The following DACH2 variants were observed in gnomAD, a reference collection of about 807,000 sequenced individuals.
The protein encoded by DACH2 is dachshund family transcription factor 2.
Under a neutral mutation model 35.8 loss-of-function variants are expected in DACH2, and 17 were observed. The ratio of observed to expected loss-of-function variants is 0.48; its 90% CI spans 0.33 to 0.71. The LOEUF (loss-of-function observed/expected upper bound fraction) is 0.71. Ranked by LOEUF, DACH2 falls within the 30% of genes least tolerant of loss-of-function variation. The probability of loss-of-function intolerance (pLI) is 0.02; values close to 1 mark genes in which losing one functional copy is unlikely to be tolerated. For synonymous variants in DACH2, 195 were observed against 177.3 expected (o/e 1.10, Z -0.79); for missense variants, 469 against 472.7 (o/e 0.99, Z 0.07).
At chrX:86,529,971 A>ACGCACG (rs1293835132) in intron 3 of DACH2, among the ~76,000 whole-genome samples, 15 of 45,134 alleles carry the variant, frequency 3.3e-4, no homozygotes, top group African/African-American at 9.8e-4. Flanking sequence ...ACACACACAC[A>ACGCACG]CACACGCACA....
chrX:86,370,015 A>C, intron 1 of DACH2, among the ~76,000 whole-genome samples: 1 of 111,818 alleles, frequency 8.9e-6, no homozygotes, highest in East Asian at 2.8e-4. Flanking sequence ...GTCAAAATTC[A>C]TCTCAGTTGA....
intron 1 of DACH2, among the ~76,000 whole-genome samples, chrX:86,151,133 A>G (rs2030349036): frequency 1.8e-5 from 2 of 111,099 alleles, no homozygotes; most frequent in Non-Finnish European, 3.8e-5. Context: ...TATTAGAGCT[A>G]CTTACTAAAA....
intron 1 of DACH2, chrX:86,160,475 C>T (rs1194060188): frequency 1.1e-5 from 6 of 533,702 alleles, no homozygotes; most frequent in South Asian, 4.8e-5. Flanking sequence ...CTTACCAGAA[C>T]GGTGATCAAT....
intron 3 of DACH2, among the ~76,000 whole-genome samples, chrX:86,632,143 C>A (rs985349282): frequency 4.5e-5 from 5 of 110,979 alleles, no homozygotes; most frequent in African/African-American, 1.6e-4. Flanking sequence ...CTCTGCGAAT[C>A]CATTTTAGAG....
chrX:86,553,632 A>G (rs1391729409), intron 3 of DACH2, among the ~76,000 whole-genome samples: 1 of 112,148 alleles, frequency 8.9e-6, no homozygotes, highest in Non-Finnish European at 1.9e-5. Context: ...TTCATAGTTA[A>G]TGGTAAGTAG....
At chrX:86,478,909 A>G (rs2037891980) in intron 2 of DACH2, among the ~76,000 whole-genome samples, 1 of 111,295 alleles carries the variant, frequency 9.0e-6, no homozygotes, top group African/African-American at 3.3e-5. Flanking sequence ...TATTGCAAGG[A>G]CAGAGGGCTT....
chrX:86,679,597 T>TCC (rs2040856227), intron 4 of DACH2, among the ~76,000 whole-genome samples: 1 of 96,756 alleles, frequency 1.0e-5, no homozygotes, highest in African/African-American at 3.9e-5. Flanking sequence ...TATGTCTCTC[T>TCC]CTCTCTCTCT....
At chrX:86,221,947 T>A (rs1365924551) in intron 1 of DACH2, among the ~76,000 whole-genome samples, 6 of 112,237 alleles carry the variant, frequency 5.3e-5, no homozygotes, top group Non-Finnish European at 1.1e-4. Context: ...TGTGTGTACA[T>A]GCTGGGAGAG....
At chrX:86,187,638 C>T (rs12836179) in intron 1 of DACH2, among the ~76,000 whole-genome samples, 15,903 of 110,539 alleles carry the variant, frequency 0.14, 1,204 homozygotes, top group Non-Finnish European at 0.23. Context: ...GTTGGCCAGG[C>T]TGGTCTCAAA....
intron 1 of DACH2, among the ~76,000 whole-genome samples, chrX:86,178,331 A>C (rs966335218): frequency 1.8e-5 from 2 of 111,136 alleles, no homozygotes; most frequent in African/African-American, 6.5e-5. Flanking sequence ...TTTTTTGTAT[A>C]AATTGTTAGG....
At chrX:86,591,900 A>G (rs2039652138) in intron 3 of DACH2, among the ~76,000 whole-genome samples, 1 of 111,343 alleles carries the variant, frequency 9.0e-6, no homozygotes, top group Non-Finnish European at 1.9e-5. Flanking sequence ...TATTCTTTGT[A>G]TATTTTAGAA....
chrX:86,294,739 CA>C (rs2034403975), intron 1 of DACH2, among the ~76,000 whole-genome samples: 1 of 110,195 alleles, frequency 9.1e-6, no homozygotes, highest in Non-Finnish European at 1.9e-5. Context: ...GCTCAGGGGT[CA>C]GGGGTCAGGG....
intron 1 of DACH2, among the ~76,000 whole-genome samples, chrX:86,265,405 G>A (rs970926095): frequency 9.0e-6 from 1 of 111,296 alleles, no homozygotes; most frequent in East Asian, 2.8e-4. Flanking sequence ...TTCTTACAGA[G>A]CACAGGTAAA....
chrX:86,554,274 C>A (rs1436995321), intron 3 of DACH2, among the ~76,000 whole-genome samples: 3 of 110,891 alleles, frequency 2.7e-5, no homozygotes, highest in Non-Finnish European at 5.7e-5. Context: ...TTAATAGTAA[C>A]AATCTGTATA....
intron 1 of DACH2, among the ~76,000 whole-genome samples, chrX:86,264,241 T>A (rs944547435): frequency 2.7e-5 from 3 of 112,079 alleles, no homozygotes; most frequent in African/African-American, 9.7e-5. Flanking sequence ...AATTACTAAC[T>A]TGCACTTGGG....
intron 3 of DACH2, among the ~76,000 whole-genome samples, chrX:86,524,982 G>T (rs763172213): frequency 2.3e-4 from 26 of 111,486 alleles, no homozygotes; most frequent in Middle Eastern, 4.7e-3. Flanking sequence ...ATTTTCAATT[G>T]TTTCTCATTT....
At chrX:86,537,951 G>A (rs62593263) in intron 3 of DACH2, among the ~76,000 whole-genome samples, 5,542 of 110,056 alleles carry the variant, frequency 0.05, 118 homozygotes, top group Middle Eastern at 0.1. Context: ...TGTGAACCCC[G>A]CCCCTGCCCA....
chrX:86,515,370 G>C (rs1344635549), intron 3 of DACH2, among the ~76,000 whole-genome samples: 1 of 110,443 alleles, frequency 9.1e-6, no homozygotes, highest in Non-Finnish European at 1.9e-5. Flanking sequence ...GCTGTATTTT[G>C]TAGGCTGAGC....
At chrX:86,329,885 T>A (rs1013381888) in intron 1 of DACH2, among the ~76,000 whole-genome samples, 1 of 111,919 alleles carries the variant, frequency 8.9e-6, no homozygotes. Flanking sequence ...GTGTTGTTGA[T>A]GTGGGATTCC....
Sources: allele counts gnomAD v4.1 joint callset (sites outside exome capture counted in the v4.1 genomes callset), GRCh38; gene constraint gnomAD v4.1.1; transcripts MANE v1.5; gene names NCBI Gene and HGNC (gene_info 2026-07-23, HGNC 2026-07-21).